Variants in CAMTA1 observed in about 807,000 individuals in gnomAD.
The protein encoded by CAMTA1 is calmodulin binding transcription activator 1.
Under a neutral mutation model 170.9 loss-of-function variants are expected in CAMTA1, and 27 were observed. The ratio of observed to expected loss-of-function variants is 0.16; its 90% CI spans 0.12 to 0.22. The LOEUF (loss-of-function observed/expected upper bound fraction) is 0.22. CAMTA1 is among the 10% of genes least tolerant of loss of function. The pLI, the probability that CAMTA1 is intolerant of heterozygous loss-of-function variation, is 1.00. For missense variants in CAMTA1, 1,619 were observed against 2,217.2 expected, an observed-to-expected ratio of 0.73 and a Z score of 5.42; for synonymous variants, 833 against 891.5, an observed-to-expected ratio of 0.93 and a Z score of 1.17.
chr1:7,102,837 C>T (rs17030314), intron 4 of CAMTA1, among the ~76,000 whole-genome samples: 2,009 of 152,178 alleles, frequency 0.013, 51 homozygotes, highest in African/African-American at 0.047. Flanking sequence ...GGGTTATGAG[C>T]GAGCCCTTTT....
intron 5 of CAMTA1, among the ~76,000 whole-genome samples, chr1:7,370,878 G>C (rs1190127177): frequency 1.3e-5 from 2 of 151,070 alleles, no homozygotes; most frequent in Non-Finnish European, 2.9e-5. Context: ...TTATTGCCCT[G>C]GGTCCTGGGA....
chr1:7,759,036 A>G (rs2150258019), intron 22 of CAMTA1, among the ~76,000 whole-genome samples: 1 of 152,046 alleles, frequency 6.6e-6, no homozygotes, highest in South Asian at 2.1e-4. Flanking sequence ...ATATTTTCCC[A>G]GCTACTGGAG....
intron 20 of CAMTA1, among the ~76,000 whole-genome samples, chr1:7,752,081 A>G (rs951378412): frequency 1.2e-4 from 18 of 152,248 alleles, no homozygotes; most frequent in African/African-American, 4.3e-4. Context: ...TAGCCCAAAG[A>G]GTGTATCAAC....
intron 3 of CAMTA1, among the ~76,000 whole-genome samples, chr1:6,877,252 G>A (rs1161445893): frequency 1.3e-5 from 2 of 152,204 alleles, no homozygotes; most frequent in African/African-American, 4.8e-5. Context: ...AGGGCAAGCG[G>A]CAGACTTCCT....
intron 4 of CAMTA1, among the ~76,000 whole-genome samples, chr1:7,114,704 A>C (rs74597281): frequency 8.6e-6 from 1 of 115,890 alleles, no homozygotes; most frequent in Non-Finnish European, 1.9e-5. Flanking sequence ...GTGTGAGTCC[A>C]AAAACCTGAG....
chr1:7,005,120 A>G (rs927030901), intron 3 of CAMTA1, among the ~76,000 whole-genome samples: 33 of 152,242 alleles, frequency 2.2e-4, no homozygotes, highest in African/African-American at 6.8e-4. Context: ...AGAAGCTGCA[A>G]GATGATTACA....
intron 6 of CAMTA1, among the ~76,000 whole-genome samples, chr1:7,525,828 C>T (rs946456827): frequency 6.6e-6 from 1 of 152,042 alleles, no homozygotes; most frequent in South Asian, 2.1e-4. Flanking sequence ...TGTCACTTAG[C>T]GCCCAGGGCC....
At chr1:7,168,483 A>C (rs1213071673) in intron 4 of CAMTA1, among the ~76,000 whole-genome samples, 1 of 152,060 alleles carries the variant, frequency 6.6e-6, no homozygotes, top group Non-Finnish European at 1.5e-5. Context: ...GCTCGCTGCA[A>C]CCTCTGCCTC....
At chr1:6,804,653 T>C (rs1332302643) in intron 1 of CAMTA1, among the ~76,000 whole-genome samples, 1 of 152,234 alleles carries the variant, frequency 6.6e-6, no homozygotes, top group African/African-American at 2.4e-5. Flanking sequence ...GCATAATGTT[T>C]TCAAGGTTTT....
intron 5 of CAMTA1, among the ~76,000 whole-genome samples, chr1:7,297,195 A>C (rs566120423): frequency 6.6e-6 from 1 of 152,216 alleles, no homozygotes; most frequent in Non-Finnish European, 1.5e-5. Flanking sequence ...TCTATTCTAG[A>C]TATTTTAGAA....
Position 7,173,983 on chromosome 1 carries a change from CCACCCCTACCCTT to C in CAMTA1, c.303-75505_303-75493del, listed in dbSNP as rs1650216359. ...GGTTACCTTTGACACCAAGGTTCCC[CCACCCCTACCCTT>C]CAAGATACCTGGGTACCTTTCCTTG... On this transcript the variant is annotated intron_variant, in intron 4 of 22. Transcript: ENST00000303635. This position sits in a 1 kb window ranked among gnomAD's most constrained non-coding sequence, Gnocchi z 5.4. Among the ~76,000 whole-genome samples, 1 of 152,126 alleles carries C rather than the reference CCACCCCTACCCTT, an allele frequency of 6.6e-6. No individual in the cohort carries two copies. The highest frequency in any genetic ancestry group is 1.5e-5 in the Non-Finnish European group (1 of 68,016).
chr1:7,268,858 T>C (rs925336129), intron 5 of CAMTA1, among the ~76,000 whole-genome samples: 13 of 152,220 alleles, frequency 8.5e-5, no homozygotes, highest in African/African-American at 3.1e-4. Context: ...GATATGGAAT[T>C]AAAAGACAAG....
At chr1:7,260,229 G>A (rs572251614) in intron 5 of CAMTA1, among the ~76,000 whole-genome samples, 3 of 152,320 alleles carry the variant, frequency 2.0e-5, no homozygotes, top group Admixed American at 1.3e-4. Flanking sequence ...TATGGCCACG[G>A]TTTCTAGAAG....
chr1:6,887,428 AAGTC>A lies in CAMTA1; in HGVS notation c.234+62221_234+62224del, dbSNP rs1184105397. On this transcript the variant is annotated intron_variant, in intron 3 of 22. Coordinates refer to ENST00000303635, the MANE Select transcript of CAMTA1 (RefSeq NM_015215.4). This position sits in a 1 kb window ranked among gnomAD's most constrained non-coding sequence, Gnocchi z 4.1. ...CAGTTTTGGATTATCATAGGCGAAG[AAGTC>A]AGACATATATGGTTGTATGTACATG... 2.0e-5 allele frequency among the ~76,000 whole-genome samples: 3 copies of A among 152,190 alleles called. No homozygotes were observed. Among genetic ancestry groups the A allele is most frequent in the Admixed American group, 2.0e-4 (3 of 15,278 alleles).
At chr1:7,272,530 T>G (rs1336399477) in intron 5 of CAMTA1, among the ~76,000 whole-genome samples, 2 of 151,750 alleles carry the variant, frequency 1.3e-5, no homozygotes, top group African/African-American at 2.4e-5. Context: ...CAGTGAGGTA[T>G]TGGCATAAGA....
In CAMTA1 at chr1:7,455,743, G is replaced by A. The variant is rs956513008; in HGVS notation, c.439-12087G>A. ...AGTAGTAACCACAGCCAGGAATCCCGGCAGTGCCAGCCCCGCAGACGCCTG... is the reference window on the plus strand; with the variant it reads ...AGTAGTAACCACAGCCAGGAATCCCAGCAGTGCCAGCCCCGCAGACGCCTG... On this transcript the variant is annotated intron_variant, in intron 5 of 22. Coordinates refer to ENST00000303635, the MANE Select transcript of CAMTA1 (RefSeq NM_015215.4). This position sits in a 1 kb window ranked among gnomAD's most constrained non-coding sequence, Gnocchi z 5.0. Among the ~76,000 whole-genome samples, 6 of 152,216 alleles carry A rather than the reference G, an allele frequency of 3.9e-5. No homozygotes were observed. The highest frequency in any genetic ancestry group is 6.5e-5 in the Admixed American group (1 of 15,276).
chr1:7,500,186 TGG>T (rs1321485663), intron 6 of CAMTA1, among the ~76,000 whole-genome samples: 3 of 139,002 alleles, frequency 2.2e-5, no homozygotes, highest in Non-Finnish European at 4.6e-5. Flanking sequence ...GTAGAGAGGA[TGG>T]TGTGAGCCTG....
At chr1:6,973,337 G>C (rs967389407) in intron 3 of CAMTA1, among the ~76,000 whole-genome samples, 1 of 152,162 alleles carries the variant, frequency 6.6e-6, no homozygotes, top group African/African-American at 2.4e-5. Flanking sequence ...CTAGGGGTTT[G>C]ACCATTTTTG....
rs2097033207 is a variant in CAMTA1 at position 7,767,995 on chromosome 1, G to A, written c.*1504G>A. ...TTTTTTGCCAATGGTGCCAAGTAATGTGAATGCTAATACTGCTTAAGAAAA... is the reference window on the plus strand; with the variant it reads ...TTTTTTGCCAATGGTGCCAAGTAATATGAATGCTAATACTGCTTAAGAAAA... On this transcript the variant is annotated 3_prime_UTR_variant, in exon 23 of 23. Coordinates refer to ENST00000303635, the MANE Select transcript of CAMTA1 (RefSeq NM_015215.4). The A allele has an allele frequency of 2.6e-5, 4 of 152,290 alleles. No homozygotes were observed. The highest frequency in any genetic ancestry group is 9.7e-5 in the African/African-American group (4 of 41,332). The allele number at this position is 152,290 out of a possible 1,614,324, so 9.4% of individuals were successfully genotyped here.
Sources: gnomAD v4.1 joint callset for allele counts (sites outside exome capture counted in the v4.1 genomes callset) on GRCh38, gnomAD v4.1.1 for gene constraint, Gnocchi (gnomAD v3.1) non-coding constraint, MANE v1.5 for transcripts, NCBI Gene and HGNC (gene_info 2026-07-23, HGNC 2026-07-21) for gene names.